AATF: variants seen among roughly 807,000 people sequenced by gnomAD.
AATF encodes the protein apoptosis antagonizing transcription factor.
In AATF, 48 loss-of-function variants were observed where a neutral mutation model predicts 63.7. The observed-to-expected ratio is 0.75, with a 90% CI of 0.60 to 0.96. The LOEUF is 0.96. Ranked by LOEUF, AATF falls within the 40% of genes least tolerant of loss-of-function variation. The pLI is 0.00. For synonymous variants in AATF, 258 were observed against 247.7 expected (o/e 1.04, Z -0.39); for missense variants, 639 against 685.7 (o/e 0.93, Z 0.76).
chr17:36,991,015 A>T (rs2071210698), intron 8 of AATF, among the ~76,000 whole-genome samples, 158 bp downstream of exon 8: 1 of 152,192 alleles, frequency 6.6e-6, no homozygotes, highest in African/African-American at 2.4e-5. Flanking sequence ...GTCATTGTGG[A>T]TTTGTTGCTT....
At position 37,056,781 on chromosome 17, in the gene AATF, G is replaced by A; in HGVS notation, c.*117G>A. 8.6e-7 allele frequency: 1 copy of A among 1,161,786 alleles called. No homozygotes were observed. Among genetic ancestry groups the A allele is most frequent in the Non-Finnish European group, 1.2e-6 (1 of 808,096 alleles). The allele number at this position is 1,161,786 out of a possible 1,614,324, so 72.0% of individuals were successfully genotyped here. On this transcript the variant is annotated 3_prime_UTR_variant, in exon 12 of 12. Coordinates refer to ENST00000619387, the MANE Select transcript of AATF (RefSeq NM_012138.4). ...GTAGGGAAGCCCCTGGAAAGATGCTGCGTTCCGAACCTGTGCCTAATACAC... is the reference window on the plus strand; with the variant it reads ...GTAGGGAAGCCCCTGGAAAGATGCTACGTTCCGAACCTGTGCCTAATACAC...
intron 5 of AATF, among the ~76,000 whole-genome samples, chr17:36,987,559 T>C (rs1480653575): frequency 6.6e-6 from 1 of 152,246 alleles, no homozygotes; most frequent in Non-Finnish European, 1.5e-5. Context: ...GTTTCACTTT[T>C]TATCTACTGA....
intron 7 of AATF, among the ~76,000 whole-genome samples, chr17:36,990,484 A>G (rs1007072177): frequency 2.0e-5 from 3 of 152,206 alleles, no homozygotes; most frequent in African/African-American, 7.2e-5. Flanking sequence ...AGGCTGCATT[A>G]ATTTCAGTCG....
chr17:36,965,026 A>G (rs894142413), intron 4 of AATF, among the ~76,000 whole-genome samples: 1 of 152,184 alleles, frequency 6.6e-6, no homozygotes, highest in Admixed American at 6.5e-5. Context: ...GTTTGAAAAT[A>G]CTGTGCCCTC....
chr17:37,019,085 C>T lies in AATF; in HGVS notation c.1466+13C>T, dbSNP rs778756863. The stretch of plus-strand genomic sequence containing the variant: ...TGGCCATGGGAAGGTAATTTAGATA[C>T]AGCTTTCTGTTCATGCAAGCAGCCT... On this transcript the variant is annotated intron_variant, in intron 9 of 11. Coordinates refer to ENST00000619387, the MANE Select transcript of AATF (RefSeq NM_012138.4). 11 of 1,611,942 alleles carry T rather than the reference C, an allele frequency of 6.8e-6. No individual in the cohort carries two copies. The highest frequency in any genetic ancestry group is 3.4e-6 in the Non-Finnish European group (4 of 1,178,174).
chr17:36,954,220 G>A (rs2070881503), intron 4 of AATF, among the ~76,000 whole-genome samples: 4 of 151,848 alleles, frequency 2.6e-5, no homozygotes, highest in Admixed American at 2.6e-4. Flanking sequence ...GAGTAGCAGG[G>A]ACCACAAGCG....
intron 10 of AATF, among the ~76,000 whole-genome samples, chr17:37,023,208 G>A (rs994954483): frequency 6.6e-6 from 1 of 152,142 alleles, no homozygotes; most frequent in Non-Finnish European, 1.5e-5. Flanking sequence ...CTAAGTGGAG[G>A]TAATAATCCC....
rs572398806 is a variant in AATF, at chr17:36,976,982, C to T, written c.833-9635C>T. Among the ~76,000 whole-genome samples, 151 of 151,940 alleles carry T rather than the reference C, an allele frequency of 9.9e-4. 1 individual carries two copies. Among genetic ancestry groups the T allele is most frequent in the Admixed American group, 9.3e-3 (142 of 15,284 alleles). ...CACTCTAAGATAATCGGGAGTAGCC[C>T]GATTATCTTATAGTTGGTATATTAA... On this transcript the variant is annotated intron_variant, in intron 4 of 11. Coordinates refer to ENST00000619387, the MANE Select transcript of AATF (RefSeq NM_012138.4).
intron 4 of AATF, among the ~76,000 whole-genome samples, chr17:36,955,140 T>C (rs1037195652): frequency 9.9e-5 from 15 of 152,190 alleles, no homozygotes; most frequent in African/African-American, 3.4e-4. Context: ...TTAAAACTTA[T>C]TTTTTTAGTA....
At chr17:36,956,389 T>C (rs913437118) in intron 4 of AATF, among the ~76,000 whole-genome samples, 2 of 152,234 alleles carry the variant, frequency 1.3e-5, no homozygotes, top group African/African-American at 4.8e-5. Flanking sequence ...AAAAAAATTC[T>C]TGGCCGGGTG....
chr17:37,021,497 C>T (rs1057045501), intron 10 of AATF, among the ~76,000 whole-genome samples: 2 of 151,848 alleles, frequency 1.3e-5, no homozygotes, highest in Non-Finnish European at 2.9e-5. Context: ...GGTGTGGTGG[C>T]GGGTGCCTAT....
chr17:37,046,684 G>C (rs1005133669), intron 11 of AATF, among the ~76,000 whole-genome samples: 2 of 151,598 alleles, frequency 1.3e-5, no homozygotes, highest in South Asian at 2.1e-4. Flanking sequence ...TAATTCCTGC[G>C]TGTTGAAGTT....
chr17:37,034,531 T>C (rs1443334437), intron 11 of AATF: 2 of 152,216 alleles, frequency 1.3e-5, no homozygotes, highest in Non-Finnish European at 2.9e-5. Flanking sequence ...AAGTTATACA[T>C]ATGTCATTCT....
intron 11 of AATF, among the ~76,000 whole-genome samples, chr17:37,038,009 C>T (rs936462668): frequency 2.0e-5 from 3 of 152,210 alleles, no homozygotes; most frequent in Non-Finnish European, 4.4e-5. Context: ...TCATCAGAAG[C>T]TGGACAGATG....
chr17:36,973,514 A>G (rs1358721564), intron 4 of AATF, among the ~76,000 whole-genome samples: 1 of 152,228 alleles, frequency 6.6e-6, no homozygotes, highest in Non-Finnish European at 1.5e-5. Flanking sequence ...GCTTAAAGCA[A>G]TGAAGGCAGG....
intron 9 of AATF, among the ~76,000 whole-genome samples, chr17:37,020,351 A>G (rs551813781): frequency 6.6e-6 from 1 of 152,174 alleles, no homozygotes; most frequent in African/African-American, 2.4e-5. Flanking sequence ...AAGAGTCCTT[A>G]TCGCTTCTCT....
intron 4 of AATF, among the ~76,000 whole-genome samples, chr17:36,954,184 C>T (rs530122391): frequency 6.6e-6 from 1 of 151,380 alleles, no homozygotes; most frequent in African/African-American, 2.4e-5. Flanking sequence ...CCTCCCACCT[C>T]AGTGATCCTC....
intron 9 of AATF, among the ~76,000 whole-genome samples, chr17:37,020,354 G>A (rs922885684): frequency 6.6e-6 from 1 of 151,736 alleles, no homozygotes; most frequent in Admixed American, 6.6e-5. Context: ...AGTCCTTATC[G>A]CTTCTCTTGT....
At chr17:36,976,016 G>T (rs2071077429) in intron 4 of AATF, among the ~76,000 whole-genome samples, 1 of 152,128 alleles carries the variant, frequency 6.6e-6, no homozygotes, top group Non-Finnish European at 1.5e-5. Flanking sequence ...CCATCCATGT[G>T]ATGTGGGCTT....
Sources: allele counts gnomAD v4.1 joint callset (sites outside exome capture counted in the v4.1 genomes callset), GRCh38; gene constraint gnomAD v4.1.1; transcripts MANE v1.5; gene names NCBI Gene and HGNC (gene_info 2026-07-23, HGNC 2026-07-21).